Variants in UNC13B observed in about 807,000 individuals in gnomAD.
UNC13B encodes protein unc-13 homolog B.
A neutral mutation model predicts 211.0 loss-of-function variants in UNC13B; 144 were observed. That is an observed-to-expected ratio of 0.68 (90% CI 0.60 to 0.78). The LOEUF is 0.78. Among genes scored for constraint, UNC13B ranks in the 30% least tolerant of loss-of-function variants. The pLI, the probability that UNC13B is intolerant of heterozygous loss-of-function variation, is 0.00. For missense variants in UNC13B, 1,777 were observed against 2,002.0 expected (o/e 0.89, Z 2.14); for synonymous variants, 709 against 725.8 (o/e 0.98, Z 0.37).
intron 7 of UNC13B, among the ~76,000 whole-genome samples, chr9:35,273,436 G>C (rs1437111823): frequency 4.6e-5 from 7 of 152,174 alleles, no homozygotes; most frequent in Admixed American, 4.6e-4. Context: ...GGTTTTCAAT[G>C]CTTTCCACTA....
chr9:35,331,136 G>A (rs189890135), intron 11 of UNC13B, among the ~76,000 whole-genome samples: 1 of 152,248 alleles, frequency 6.6e-6, no homozygotes, highest in East Asian at 1.9e-4. Context: ...TCCAACCAAT[G>A]AGAATATTCA....
At chr9:35,209,276 C>A (rs1823834552) in intron 1 of UNC13B, among the ~76,000 whole-genome samples, 1 of 152,102 alleles carries the variant, frequency 6.6e-6, no homozygotes, top group Non-Finnish European at 1.5e-5. Context: ...GTTGGCCAGG[C>A]TAGTCTTGAT....
chr9:35,219,033 G>A (rs966773161), intron 1 of UNC13B, among the ~76,000 whole-genome samples: 31 of 152,324 alleles, frequency 2.0e-4, no homozygotes, highest in African/African-American at 7.2e-4. Flanking sequence ...ACAGGCGTGA[G>A]CCACTGTGCC....
At chr9:35,263,898 C>T (rs1699946920) in intron 7 of UNC13B, among the ~76,000 whole-genome samples, 1 of 152,152 alleles carries the variant, frequency 6.6e-6, no homozygotes, top group South Asian at 2.1e-4. Flanking sequence ...AGCTAGCCAG[C>T]CCCTTGATCT....
At chr9:35,198,687 TG>T (rs1180050167) in intron 1 of UNC13B, among the ~76,000 whole-genome samples, 1 of 152,086 alleles carries the variant, frequency 6.6e-6, no homozygotes, top group African/African-American at 2.4e-5. Context: ...CTTAGAGACT[TG>T]TTAAATTGTT....
intron 1 of UNC13B, among the ~76,000 whole-genome samples, chr9:35,186,517 G>T (rs977160151): frequency 1.3e-5 from 2 of 152,176 alleles, no homozygotes; most frequent in Admixed American, 1.3e-4. Context: ...TTAGGACACA[G>T]ATACACATGA....
At chr9:35,208,488 C>T (rs1823787674) in intron 1 of UNC13B, among the ~76,000 whole-genome samples, 1 of 152,186 alleles carries the variant, frequency 6.6e-6, no homozygotes, top group South Asian at 2.1e-4. Context: ...TTAATTGGCT[C>T]ACAGTTCTGC....
intron 7 of UNC13B, among the ~76,000 whole-genome samples, chr9:35,287,142 T>C (rs1224997850): frequency 4.0e-5 from 6 of 151,552 alleles, no homozygotes; most frequent in Admixed American, 2.0e-4. Context: ...TTCTTTCTTT[T>C]TTTTTTTTGA....
chr9:35,246,341 G>A (rs1826102350), intron 6 of UNC13B, among the ~76,000 whole-genome samples: 1 of 152,070 alleles, frequency 6.6e-6, no homozygotes, highest in Admixed American at 6.6e-5. Context: ...CTGTGCAGAA[G>A]CTCTTTAGTT....
intron 9 of UNC13B, among the ~76,000 whole-genome samples, chr9:35,308,907 A>C (rs971185969): frequency 1.3e-5 from 2 of 152,176 alleles, no homozygotes; most frequent in Non-Finnish European, 2.9e-5. Context: ...TATTAAGCAA[A>C]ATACAAAGTG....
chr9:35,248,511 C>G (rs1340062263), intron 6 of UNC13B, among the ~76,000 whole-genome samples: 2 of 152,054 alleles, frequency 1.3e-5, no homozygotes, highest in East Asian at 3.8e-4. Context: ...AAATTTCCCT[C>G]TACACATTGC....
chr9:35,364,359 A>C (rs1833632803), intron 11 of UNC13B, among the ~76,000 whole-genome samples: 1 of 152,184 alleles, frequency 6.6e-6, no homozygotes, highest in Non-Finnish European at 1.5e-5. Flanking sequence ...TGGGCCAGCA[A>C]ATACAGGCAG....
intron 6 of UNC13B, among the ~76,000 whole-genome samples, chr9:35,252,479 A>AT (rs1010418825): frequency 1.3e-4 from 20 of 150,686 alleles, no homozygotes; most frequent in Admixed American, 5.3e-4. Flanking sequence ...TAATTTTTGT[A>AT]TTTTTTTTAT....
intron 1 of UNC13B, among the ~76,000 whole-genome samples, chr9:35,189,409 C>G (rs990328467): frequency 1.3e-5 from 2 of 152,178 alleles, no homozygotes; most frequent in African/African-American, 4.8e-5. Context: ...GTAAAGCAGG[C>G]AATTTGGAAC....
At chr9:35,399,480 G>A in intron 35 of UNC13B, 32 bp downstream of exon 35, 1 of 1,613,996 alleles carries the variant, frequency 6.2e-7, no homozygotes, top group Non-Finnish European at 8.5e-7. Flanking sequence ...CCTGGCAGGT[G>A]TGGTCCTTCT....
Position 35,237,724 on chromosome 9 carries a change from A to G in UNC13B, c.292A>G (p.Thr98Ala). Reference protein sequence around the residue: ...SDEEGPGEWSTLEAETLMKDD... With the variant: ...SDEEGPGEWSALEAETLMKDD... ...CTAGGAAGGGCCTGGGGAATGGTCCACATTAGAGGCAGAGACGTTAATGAA... is the reference window on the plus strand; with the variant it reads ...CTAGGAAGGGCCTGGGGAATGGTCCGCATTAGAGGCAGAGACGTTAATGAA... Residue 98 changes from threonine (T) to alanine (A), a missense_variant, in exon 5 of 40, where the codon ACA becomes GCA. Coordinates refer to ENST00000635942, the MANE Select transcript of UNC13B (RefSeq NM_001371189.2). 6.2e-7 allele frequency: 1 copy of G among 1,613,868 alleles called. No individual in the cohort carries two copies. Among genetic ancestry groups the G allele is most frequent in the South Asian group, 1.1e-5 (1 of 91,002 alleles).
intron 6 of UNC13B, among the ~76,000 whole-genome samples, chr9:35,254,515 T>G (rs1826701764): frequency 6.6e-6 from 1 of 152,144 alleles, no homozygotes; most frequent in Non-Finnish European, 1.5e-5. Flanking sequence ...CACAGGTGAA[T>G]TTTTGGTGGG....
At position 35,227,279 on chromosome 9, in the gene UNC13B, G is replaced by T. The variant is rs562738024; in HGVS notation, c.23-736G>T. On this transcript the variant is annotated intron_variant, in intron 1 of 39. Coordinates refer to ENST00000635942, the MANE Select transcript of UNC13B (RefSeq NM_001371189.2). The stretch of plus-strand genomic sequence containing the variant: ...TTAAGGTGAAGCTTTCAGTAGTAAT[G>T]CAGGATAAGGAGAATGGCAGACGTA... 1.1e-3 allele frequency among the ~76,000 whole-genome samples: 172 copies of T among 152,342 alleles called. 1 individual carries two copies. The highest frequency in any genetic ancestry group is 3.4e-3 in the Middle Eastern group (1 of 294).
chr9:35,253,550 C>G lies in UNC13B; in HGVS notation c.469-5443C>G, dbSNP rs1826641535. Among the ~76,000 whole-genome samples the G allele has an allele frequency of 2.6e-5, 4 of 152,284 alleles. No individual in the cohort carries two copies. The South Asian group carries it at 8.3e-4, about 32-fold the overall frequency. The stretch of plus-strand genomic sequence containing the variant: ...CACTAATTATTAAGATTTCATCATA[C>G]TTGCTGCAAAATCATTTTAAAAATA... On this transcript the variant is annotated intron_variant, in intron 6 of 39. Coordinates refer to ENST00000635942, the MANE Select transcript of UNC13B (RefSeq NM_001371189.2).
Sources: allele counts gnomAD v4.1 joint callset (sites outside exome capture counted in the v4.1 genomes callset), GRCh38; gene constraint gnomAD v4.1.1; transcripts MANE v1.5; gene names NCBI Gene and HGNC (gene_info 2026-07-23, HGNC 2026-07-21).